C6: variants seen among roughly 807,000 people sequenced by gnomAD.
The protein encoded by C6 is complement C6, also known as complement component C6.
In C6, 101 loss-of-function variants were observed where a neutral mutation model predicts 112.9. The ratio of observed to expected loss-of-function variants is 0.89; its 90% CI spans 0.76 to 1.06. The LOEUF is 1.06. C6 is among the 50% of genes least tolerant of loss of function. The pLI is 0.00. For missense variants in C6, 1,202 were observed against 1,104.6 expected (o/e 1.09, Z -1.25); for synonymous variants, 431 against 384.1 (o/e 1.12, Z -1.43).
At chr5:41,143,662 A>G (rs1198924096) in intron 17 of C6, among the ~76,000 whole-genome samples, 3 of 152,328 alleles carry the variant, frequency 2.0e-5, no homozygotes, top group Middle Eastern at 3.4e-3. Context: ...GCGCATTGCC[A>G]CACAATTAGT....
chr5:41,176,524 G>C lies in C6; in HGVS notation c.1119C>G (p.Gly373=). ...THYFTSGSLG[G]VYDLLYQFSS... ...TAAACTGATAGAGAAGGTCATACACGCCTCCCAGGGAGCCAGAGGTGAAGT... is the reference window on the plus strand; with the variant it reads ...TAAACTGATAGAGAAGGTCATACACCCCTCCCAGGGAGCCAGAGGTGAAGT... The change falls in exon 8 of 18, where the codon GGC becomes GGG. Residue 373 remains glycine (G), a synonymous_variant. Transcript: ENST00000337836. 6.2e-7 allele frequency: 1 copy of C among 1,613,688 alleles called. No individual in the cohort carries two copies. Among genetic ancestry groups the C allele is most frequent in the Non-Finnish European group, 8.5e-7 (1 of 1,179,770 alleles).
At chr5:41,252,600 C>T (rs1025967559) in intron 1 of C6, among the ~76,000 whole-genome samples, 1 of 152,230 alleles carries the variant, frequency 6.6e-6, no homozygotes, top group Middle Eastern at 3.4e-3. Context: ...TTGAAATGGC[C>T]CTGCAAAGCC....
intron 17 of C6, among the ~76,000 whole-genome samples, chr5:41,143,665 C>T (rs1745555903): frequency 6.6e-6 from 1 of 152,150 alleles, no homozygotes; most frequent in African/African-American, 2.4e-5. Context: ...CATTGCCACA[C>T]AATTAGTAAA....
rs147471619 is a variant in C6 at position 41,218,701 on chromosome 5, G to T, written c.-20-15451C>A. On this transcript the variant is annotated intron_variant, in intron 1 of 17. Transcript: ENST00000263413. The stretch of plus-strand genomic sequence containing the variant: ...GGCCAGGATTGGGTATGGGTCATTC[G>T]GATTTCATGTGCCAGGGTTGGGGAG... Among the ~76,000 whole-genome samples the T allele has an allele frequency of 1.8e-3, 279 of 152,196 alleles. 1 individual carries two copies. Among genetic ancestry groups the T allele is most frequent in the African/African-American group, 6.6e-3 (273 of 41,554 alleles).
rs759519196 is a variant in C6 at position 41,181,521 on chromosome 5, G to A, written c.765C>T (p.Tyr255=). 26 of 1,613,568 alleles carry A rather than the reference G, an allele frequency of 1.6e-5. No homozygotes were observed. The highest frequency in any genetic ancestry group is 1.7e-4 in the Middle Eastern group (1 of 6,054). Residue 255 remains tyrosine (Y), a synonymous_variant, in exon 7 of 18, where the codon TAC becomes TAT. Coordinates refer to ENST00000337836, the MANE Select transcript of C6 (RefSeq NM_000065.5). ...TGTGTCCAAGAGAAGTTAAATCCTT[G>A]TAGAAATCTGTTTTCAAGTCATCTT... ...TAEDDLKTDF[Y]KDLTSLGHNE...
chr5:41,255,519 G>A (rs576203090), intron 1 of C6, among the ~76,000 whole-genome samples: 4 of 152,260 alleles, frequency 2.6e-5, no homozygotes, highest in East Asian at 1.9e-4. Context: ...TGTGTCTTAT[G>A]GAATCAATGA....
At chr5:41,204,089 G>A (rs551416890) in intron 1 of C6, among the ~76,000 whole-genome samples, 54 of 152,168 alleles carry the variant, frequency 3.5e-4, no homozygotes, top group African/African-American at 1.2e-3. Flanking sequence ...CAGTTTAATC[G>A]TTATATCCCT....
chr5:41,252,806 A>G (rs1561207842), intron 1 of C6, among the ~76,000 whole-genome samples: 1 of 152,118 alleles, frequency 6.6e-6, no homozygotes, highest in Non-Finnish European at 1.5e-5. Context: ...AGCTCCCCTT[A>G]TCTTAACTTT....
At chr5:41,235,294 T>G (rs1240105614) in intron 1 of C6, among the ~76,000 whole-genome samples, 1 of 140,818 alleles carries the variant, frequency 7.1e-6, no homozygotes, top group Non-Finnish European at 1.5e-5. Context: ...ATCTCATTGT[T>G]CAATTCCCAC....
At chr5:41,214,962 C>G (rs974177591), upstream of C6, among the ~76,000 whole-genome samples, 2 of 152,020 alleles carry the variant, frequency 1.3e-5, no homozygotes, top group African/African-American at 4.8e-5. Context: ...AGATGGAATG[C>G]GAATGTCTGT....
chr5:41,187,788 AGTT>A (rs1749900137), intron 5 of C6, among the ~76,000 whole-genome samples: 1 of 152,078 alleles, frequency 6.6e-6, no homozygotes, highest in Admixed American at 6.6e-5. Flanking sequence ...TTTTTATAGT[AGTT>A]GTGGAAATTA....
intron 4 of C6, 91 bp downstream of exon 4, chr5:41,199,677 G>A: frequency 8.0e-7 from 1 of 1,252,904 alleles, no homozygotes; most frequent in Non-Finnish European, 1.2e-6. Context: ...GGATTTCTCT[G>A]TGATGGATTC....
intron 1 of C6, among the ~76,000 whole-genome samples, chr5:41,239,111 C>CTTTTTTTTTTTTTTTTT (rs34322889): frequency 3.3e-5 from 4 of 121,674 alleles, no homozygotes; most frequent in Admixed American, 9.1e-5. Flanking sequence ...TCTTTTCTTT[C>CTTTTTTTTTTTTTTTTT]TTTTTTTTTT....
intron 1 of C6, among the ~76,000 whole-genome samples, chr5:41,210,643 A>G (rs866953118): frequency 2.6e-5 from 4 of 152,214 alleles, no homozygotes; most frequent in African/African-American, 9.7e-5. Flanking sequence ...AAAAATGCTC[A>G]TCATCGCTGG....
chr5:41,182,935 A>G (rs577460102), intron 6 of C6, among the ~76,000 whole-genome samples: 1 of 152,348 alleles, frequency 6.6e-6, no homozygotes, highest in South Asian at 2.1e-4. Context: ...AATCTGCTGT[A>G]AAAGAATTTT....
chr5:41,224,155 C>G (rs1430538627), intron 1 of C6, among the ~76,000 whole-genome samples: 3 of 152,062 alleles, frequency 2.0e-5, no homozygotes, highest in African/African-American at 7.2e-5. Flanking sequence ...TATCTATTAC[C>G]TCACATACTT....
chr5:41,186,395 C>G (rs1749774322), intron 5 of C6, 187 bp from the exon 6 acceptor site: 1 of 618,562 alleles, frequency 1.6e-6, no homozygotes, highest in Non-Finnish European at 2.8e-6. Flanking sequence ...CTGGAAAGCC[C>G]AAACTCAGCT....
At chr5:41,211,766 A>G (rs1230340208) in intron 1 of C6, among the ~76,000 whole-genome samples, 1 of 145,606 alleles carries the variant, frequency 6.9e-6, no homozygotes, top group Non-Finnish European at 1.5e-5. Context: ...CAAGACAGAT[A>G]TCTTCCAGAA....
At chr5:41,149,538 G>A (rs1276662913) in intron 16 of C6, 56 bp from the exon 17 acceptor site, 1 of 1,606,406 alleles carries the variant, frequency 6.2e-7, no homozygotes, top group Non-Finnish European at 8.5e-7. Context: ...AAAACAGGGG[G>A]CACGTAGCCA....
Sources: allele counts gnomAD v4.1 joint callset (sites outside exome capture counted in the v4.1 genomes callset), GRCh38; gene constraint gnomAD v4.1.1; transcripts MANE v1.5; gene names NCBI Gene and HGNC (gene_info 2026-07-23, HGNC 2026-07-21).